Variants in CBX1 observed in about 807,000 individuals in gnomAD.
CBX1 encodes chromobox protein homolog 1.
Under a neutral mutation model 25.1 loss-of-function variants are expected in CBX1, and 10 were observed. That is an observed-to-expected ratio of 0.40 (90% CI 0.25 to 0.68). The LOEUF (loss-of-function observed/expected upper bound fraction) is 0.68, where lower values mean the gene tolerates loss of function less well. Ranked by LOEUF, CBX1 falls within the 30% of genes least tolerant of loss-of-function variation. The pLI is 0.40. For synonymous variants in CBX1, 63 were observed against 79.4 expected (o/e 0.79, Z 1.10); for missense variants, 106 against 218.5 (o/e 0.49, Z 3.25).
chr17:48,080,951 AATATATATATATATATATAT>A (rs1323670486), intron 1 of CBX1, among the ~76,000 whole-genome samples: 602 of 33,256 alleles, frequency 0.018, 6 homozygotes, highest in Middle Eastern at 0.062. Context: ...AAAAAAAAAA[AATATATATATATATATATAT>A]ATATATATAT....
intron 1 of CBX1, among the ~76,000 whole-genome samples, chr17:48,092,513 G>A (rs1049389175): frequency 2.7e-5 from 4 of 150,062 alleles, no homozygotes; most frequent in Admixed American, 2.7e-4. Flanking sequence ...CCAGGCTAGA[G>A]TGCAGCTATC....
intron 1 of CBX1, among the ~76,000 whole-genome samples, chr17:48,091,535 CTTTTTTTTTTTTT>C (rs4053473): frequency 4.2e-5 from 3 of 72,188 alleles, no homozygotes; most frequent in East Asian, 8.7e-4. Flanking sequence ...CCACCATGCC[CTTTTTTTTTTTTT>C]TTTTTTTTTT....
intron 1 of CBX1, chr17:48,101,004 C>T (rs1009352806): frequency 1.0e-6 from 1 of 986,054 alleles, no homozygotes; most frequent in Non-Finnish European, 1.2e-6. Context: ...AGAGCGGCCC[C>T]CAAGTGCTCG....
intron 2 of CBX1, 77 bp downstream of exon 2, chr17:48,076,788 G>T: frequency 1.5e-6 from 2 of 1,329,768 alleles, no homozygotes; most frequent in South Asian, 2.7e-5. Context: ...ATCCATCATA[G>T]CACTGGAGGT....
At chr17:48,087,435 G>A (rs368046705) in intron 1 of CBX1, among the ~76,000 whole-genome samples, 2 of 151,790 alleles carry the variant, frequency 1.3e-5, no homozygotes, top group African/African-American at 4.8e-5. Flanking sequence ...TTAGCTGGGC[G>A]TGGTGGTGTG....
At chr17:48,091,388 T>C (rs546929658) in intron 1 of CBX1, among the ~76,000 whole-genome samples, 6 of 152,286 alleles carry the variant, frequency 3.9e-5, no homozygotes, top group Admixed American at 3.9e-4. Flanking sequence ...CTTTTTTTTT[T>C]TTAAGATGGA....
intron 1 of CBX1, chr17:48,095,938 T>C (rs980761393): frequency 4.6e-5 from 7 of 152,164 alleles, no homozygotes; most frequent in African/African-American, 1.4e-4. Flanking sequence ...TAGAGTACAG[T>C]GGTGCAATCT....
At chr17:48,093,321 C>G (rs536507749) in intron 1 of CBX1, among the ~76,000 whole-genome samples, 1 of 149,452 alleles carries the variant, frequency 6.7e-6, no homozygotes, top group Non-Finnish European at 1.5e-5. Context: ...AGACAGGTCT[C>G]GAAAAAAATT....
At chr17:48,090,435 C>T (rs1021018172) in intron 1 of CBX1, among the ~76,000 whole-genome samples, 27 of 152,044 alleles carry the variant, frequency 1.8e-4, no homozygotes, top group Admixed American at 1.8e-3. Flanking sequence ...GCTCTGATTC[C>T]TCATCCTCCA....
intron 1 of CBX1, chr17:48,096,432 G>C: frequency 1.1e-6 from 1 of 941,028 alleles, no homozygotes; most frequent in Non-Finnish European, 1.3e-6. Flanking sequence ...AAATAAAAGT[G>C]GTTAGAAAGC....
intron 1 of CBX1, among the ~76,000 whole-genome samples, chr17:48,087,557 G>C (rs1265596410): frequency 1.3e-5 from 2 of 151,814 alleles, no homozygotes; most frequent in African/African-American, 4.8e-5. Context: ...CTGGGCAACA[G>C]AGTGAGACTC....
At chr17:48,091,114 A>G (rs2063341600) in intron 1 of CBX1, among the ~76,000 whole-genome samples, 1 of 152,260 alleles carries the variant, frequency 6.6e-6, no homozygotes, top group South Asian at 2.1e-4. Flanking sequence ...GTTAGGGAAT[A>G]GTTGGTTTGA....
intron 1 of CBX1, among the ~76,000 whole-genome samples, chr17:48,094,288 T>G (rs8075500): frequency 0.73 from 110,404 of 151,664 alleles, 40,878 homozygotes; most frequent in Admixed American, 0.82. Context: ...ACAAAAATCA[T>G]CCAGGTGTGG....
At chr17:48,087,341 C>T (rs763944775) in intron 1 of CBX1, among the ~76,000 whole-genome samples, 2 of 151,292 alleles carry the variant, frequency 1.3e-5, no homozygotes, top group Admixed American at 6.6e-5. Flanking sequence ...CTTTGGGAGG[C>T]GAGGTGGGTG....
At chr17:48,072,612 G>A (rs538377891) in intron 4 of CBX1, among the ~76,000 whole-genome samples, 2 of 151,976 alleles carry the variant, frequency 1.3e-5, no homozygotes, top group East Asian at 3.9e-4. Flanking sequence ...GTGAAACCCT[G>A]TCTCTACTAA....
Position 48,078,072 on chromosome 17 carries a change from C to CA in CBX1, c.-37-1032dup, listed in dbSNP as rs572850174. On this transcript the variant is annotated intron_variant, in intron 1 of 4. Coordinates refer to ENST00000225603, the MANE Select transcript of CBX1 (RefSeq NM_001127228.2). ...TGGGCAACAGAGTGAGACACTGTCT[C>CA]AAAAAAAAAAGAAAAGCAGTCCTCC... Among the ~76,000 whole-genome samples the CA allele has an allele frequency of 1.2e-3, 170 of 143,368 alleles. 2 individuals are homozygous for CA. Among genetic ancestry groups the CA allele is most frequent in the Admixed American group, 2.2e-3 (31 of 14,364 alleles). 94.1% of individuals were successfully genotyped at this position (143,368 alleles called of 152,430 possible).
At chr17:48,080,984 ATATATATAT>A (rs2037732397) in intron 1 of CBX1, among the ~76,000 whole-genome samples, 2 of 75,482 alleles carry the variant, frequency 2.6e-5, no homozygotes, top group African/African-American at 1.4e-4. Context: ...ATATATATAT[ATATATATAT>A]AAAATTTGTC....
chr17:48,077,818 C>CA (rs1226840678), intron 1 of CBX1, among the ~76,000 whole-genome samples: 1 of 151,836 alleles, frequency 6.6e-6, no homozygotes, highest in Admixed American at 6.6e-5. Flanking sequence ...TCCATCTTCA[C>CA]AAAAAAACCG....
Position 48,072,749 on chromosome 17 carries a change from C to T in CBX1, c.414-1170G>A, listed in dbSNP as rs556370694. On this transcript the variant is annotated intron_variant, in intron 4 of 4. Coordinates refer to ENST00000225603, the MANE Select transcript of CBX1 (RefSeq NM_001127228.2). ...AGTGAGCCGAGATCATGCCACTGCA[C>T]TCCAGCCTGGGCGACAGAGTGAGAC... Among the ~76,000 whole-genome samples, 12 of 151,756 alleles carry T rather than the reference C, an allele frequency of 7.9e-5. No individual in the cohort carries two copies. In the South Asian group the frequency reaches 2.5e-3, roughly 32 times the overall value.
Sources: gnomAD v4.1 joint callset for allele counts (sites outside exome capture counted in the v4.1 genomes callset) on GRCh38, gnomAD v4.1.1 for gene constraint, MANE v1.5 for transcripts, NCBI Gene and HGNC (gene_info 2026-07-23, HGNC 2026-07-21) for gene names.